The following HSPB6 variants were observed in gnomAD, a reference collection of about 807,000 sequenced individuals.
The protein encoded by HSPB6 is heat shock protein family B (small) member 6.
A neutral mutation model predicts 10.7 loss-of-function variants in HSPB6; 8 were observed. The observed-to-expected ratio is 0.75, with a 90% confidence interval of 0.44 to 1.35. HSPB6 has a LOEUF of 1.35. Ranked by LOEUF, HSPB6 falls within the 40% of genes most tolerant of loss-of-function variation. The pLI is 0.00. For missense variants in HSPB6, 232 were observed against 236.0 expected (o/e 0.98, Z 0.11); for synonymous variants, 128 against 114.2 (o/e 1.12, Z -0.77).
rs1200881971 is a variant in HSPB6 at position 35,756,976 on chromosome 19, C to G, written c.33G>C (p.Trp11Cys). 6.5e-7 allele frequency: 1 copy of G among 1,545,592 alleles called. No individual in the cohort carries two copies. Among genetic ancestry groups the G allele is most frequent in the Non-Finnish European group, 8.7e-7 (1 of 1,146,694 alleles). The change falls in exon 1 of 3, where the codon TGG (tryptophan) becomes TGC (cysteine). Residue 11 changes from tryptophan (W) to cysteine (C), a missense_variant. Trp to Cys is a radical substitution (Grantham distance 215). Transcript: ENST00000004982. Reference sequence around the variant, plus strand: ...GCAACGGGGCCGAGGCGCGGCGCAGCCAAGACGGCTGCACAGGCACAGGGA... The same window carrying G: ...GCAACGGGGCCGAGGCGCGGCGCAGGCAAGACGGCTGCACAGGCACAGGGA... MEIPVPVQPS[W>C]LRRASAPLPG...
chr19:35,754,956 G>T lies in HSPB6; in HGVS notation c.*566C>A, dbSNP rs1490041193. 1 of 295,262 alleles carries T rather than the reference G, an allele frequency of 3.4e-6. No individual in the cohort carries two copies. Among genetic ancestry groups the T allele is most frequent in the African/African-American group, 2.2e-5 (1 of 45,650 alleles). The allele number at this position is 295,262 out of a possible 1,614,324, so 18.3% of individuals were successfully genotyped here. A position where few individuals can be genotyped will look rare whatever the true frequency, so the allele number is the denominator to read the frequency against. Reference sequence around the variant, plus strand: ...TTTCACGGCAGAAAATGGGCTGGAGGGGGCAGTTGTAGACTGTCTGGTTGC... The same window carrying T: ...TTTCACGGCAGAAAATGGGCTGGAGTGGGCAGTTGTAGACTGTCTGGTTGC... On this transcript the variant is annotated 3_prime_UTR_variant, in exon 3 of 3. Coordinates refer to ENST00000004982, the MANE Select transcript of HSPB6 (RefSeq NM_144617.3).
In HSPB6 at chr19:35,754,899, A is replaced by G; in HGVS notation, c.*623T>C. 1.7e-5 allele frequency: 5 copies of G among 298,636 alleles called. No individual in the cohort carries two copies. The highest frequency in any genetic ancestry group is 3.2e-5 in the Non-Finnish European group (5 of 153,868). The allele number at this position is 298,636 out of a possible 1,614,324, so 18.5% of individuals were successfully genotyped here. On this transcript the variant is annotated 3_prime_UTR_variant, in exon 3 of 3. Coordinates refer to ENST00000004982, the MANE Select transcript of HSPB6 (RefSeq NM_144617.3). The stretch of plus-strand genomic sequence containing the variant: ...GTCCAAGAGTTGGGGCAGTCGAAAA[A>G]GGGTTCCAGAGTCTGGTGTGGCTGG...
At chr19:35,755,725 C>T in intron 2 of HSPB6, 42 bp from the exon 3 acceptor site, 1 of 1,526,346 alleles carries the variant, frequency 6.6e-7, no homozygotes, top group Non-Finnish European at 8.8e-7. Context: ...CCCTCCGGCC[C>T]GGCGGCGAGC....
In HSPB6 at chr19:35,755,632, G is replaced by T; in HGVS notation, c.373C>A (p.Pro125Thr). ...REFHRRYRLP[P>T]GVDPAAVTSA... The stretch of plus-strand genomic sequence containing the variant: ...GTCACGGCAGCCGGATCCACGCCAG[G>T]CGGCAGGCGGTAGCGACGGTGGAAC... Residue 125 changes from proline to threonine, a missense_variant, in exon 3 of 3, where the codon CCT becomes ACT. Physicochemically the swap from Pro to Thr is conservative, Grantham distance 38. Transcript: ENST00000004982. The T allele has an allele frequency of 6.5e-7, 1 of 1,533,982 alleles. No individual in the cohort carries two copies. Among genetic ancestry groups the T allele is most frequent in the East Asian group, 2.5e-5 (1 of 40,358 alleles).
At position 35,755,554 on chromosome 19, in the gene HSPB6, C is replaced by G. The variant is rs781282043; in HGVS notation, c.451G>C (p.Ala151Pro). Residue 151 changes from alanine (A) to proline (P), a missense_variant, in exon 3 of 3, where the codon GCC becomes CCC. Ala to Pro is a conservative substitution (Grantham distance 27). Transcript: ENST00000004982. ...VLSIQAAPASAQAPPPAAAK is the reference protein window; with the variant it reads ...VLSIQAAPASPQAPPPAAAK ...GCTGCGGCTGGCGGTGGGGCCTGGG[C>G]CGACGCTGGTGCGGCCTGGATGGAC... 2 of 1,455,810 alleles carry G rather than the reference C, an allele frequency of 1.4e-6. No homozygotes were observed. The highest frequency in any genetic ancestry group is 2.4e-5 in the South Asian group (2 of 82,118). 90.2% of individuals were successfully genotyped at this position (1,455,810 alleles called of 1,614,324 possible). A position where few individuals can be genotyped will look rare whatever the true frequency, so the allele number is the denominator to read the frequency against.
chr19:35,756,482 G>A (rs934809088), intron 1 of HSPB6, among the ~76,000 whole-genome samples: 2 of 151,882 alleles, frequency 1.3e-5, no homozygotes, highest in Admixed American at 6.6e-5. Flanking sequence ...TTCCCCTCAG[G>A]AGTCACTGCC....
Position 35,755,627 on chromosome 19 carries a change from G to A in HSPB6, c.378C>T (p.Gly126=). Residue 126 remains glycine, a synonymous_variant, in exon 3 of 3, where the codon GGC becomes GGT. Transcript: ENST00000004982. ...EFHRRYRLPP[G]VDPAAVTSAL... The stretch of plus-strand genomic sequence containing the variant: ...CGGACGTCACGGCAGCCGGATCCAC[G>A]CCAGGCGGCAGGCGGTAGCGACGGT... 1 of 1,533,482 alleles carries A rather than the reference G, an allele frequency of 6.5e-7. No individual in the cohort carries two copies. Among genetic ancestry groups the A allele is most frequent in the Non-Finnish European group, 8.7e-7 (1 of 1,144,570 alleles). The allele number at this position is 1,533,482 out of a possible 1,614,324, so 95.0% of individuals were successfully genotyped here.
In HSPB6 at chr19:35,754,652, A is replaced by AGG. The variant is rs1970730508; in HGVS notation, c.*869_*870insCC. On this transcript the variant is annotated 3_prime_UTR_variant, in exon 3 of 3. Coordinates refer to ENST00000004982, the MANE Select transcript of HSPB6 (RefSeq NM_144617.3). ...GCAGGGAGAAAGGCTGTGGGGAATC[A>AGG]GAGCGGGTGCTCAGTTGGGTCTTGA... 1 of 656,912 alleles carries AGG rather than the reference A, an allele frequency of 1.5e-6. No individual in the cohort carries two copies. The highest frequency in any genetic ancestry group is 1.8e-5 in the African/African-American group (1 of 55,958). The allele number at this position is 656,912 out of a possible 1,614,324, so 40.7% of individuals were successfully genotyped here.
chr19:35,754,613 C>A lies in HSPB6; in HGVS notation c.*909G>T. 1.3e-6 allele frequency: 1 copy of A among 789,538 alleles called. No individual in the cohort carries two copies. The highest frequency in any genetic ancestry group is 2.1e-6 in the Non-Finnish European group (1 of 473,724). The allele number at this position is 789,538 out of a possible 1,614,324, so 48.9% of individuals were successfully genotyped here. A position where few individuals can be genotyped will look rare whatever the true frequency, so the allele number is the denominator to read the frequency against. On this transcript the variant is annotated 3_prime_UTR_variant, in exon 3 of 3. Coordinates refer to ENST00000004982, the MANE Select transcript of HSPB6 (RefSeq NM_144617.3). ...ATTGGGAGAGTAAGCCTGGGAAAGA[C>A]TAAGGGAGTGGTGGCAGGGAGAAAG...
chr19:35,756,425 C>T (rs891756585), intron 1 of HSPB6, among the ~76,000 whole-genome samples: 2 of 152,222 alleles, frequency 1.3e-5, no homozygotes, highest in Non-Finnish European at 2.9e-5. Context: ...AGATATCGGG[C>T]CACCGCACAC....
chr19:35,756,725 A>C, intron 1 of HSPB6, 86 bp downstream of exon 1: 1 of 1,389,582 alleles, frequency 7.2e-7, no homozygotes, highest in Non-Finnish European at 9.8e-7. Context: ...AGGCCAACGA[A>C]CATTCTCTCA....
chr19:35,755,319 G>A lies in HSPB6; in HGVS notation c.*203C>T. 2 of 697,322 alleles carry A rather than the reference G, an allele frequency of 2.9e-6. No homozygotes were observed. The highest frequency in any genetic ancestry group is 2.6e-6 in the Non-Finnish European group (1 of 389,532). 43.2% of individuals were successfully genotyped at this position (697,322 alleles called of 1,614,324 possible). On this transcript the variant is annotated 3_prime_UTR_variant, in exon 3 of 3. Transcript: ENST00000004982. ...TTGTCGGTGTGGGGTCGGAAAGCTG[G>A]AGGGGGTGTGAGAGCGAGGGTGTCA...
chr19:35,755,771 C>G lies in HSPB6; in HGVS notation c.321+1G>C. On this transcript the variant is annotated splice_donor_variant, in intron 2 of 2. Transcript: ENST00000004982. LOFTEE classifies it high-confidence loss of function. ...CAGCCCCGCCCCACGCCGCGGCTCACCGGGCGCTCCTCGTGGCGCGCGTGC... is the reference window on the plus strand; with the variant it reads ...CAGCCCCGCCCCACGCCGCGGCTCAGCGGGCGCTCCTCGTGGCGCGCGTGC... 1 of 1,580,686 alleles carries G rather than the reference C, an allele frequency of 6.3e-7. No homozygotes were observed. Among genetic ancestry groups the G allele is most frequent in the South Asian group, 1.2e-5 (1 of 86,352 alleles).
At position 35,754,780 on chromosome 19, in the gene HSPB6, T is replaced by C. The variant is rs1321043196; in HGVS notation, c.*742A>G. ...TAGGGGGATGGGGTCTGGTTAGAGT[T>C]GGGGAGGGGGCCTAGGACATCCGTG... On this transcript the variant is annotated 3_prime_UTR_variant, in exon 3 of 3. Transcript: ENST00000004982. 1 of 314,570 alleles carries C rather than the reference T, an allele frequency of 3.2e-6. No homozygotes were observed. Among genetic ancestry groups the C allele is most frequent in the Admixed American group, 5.4e-5 (1 of 18,626 alleles). 19.5% of individuals were successfully genotyped at this position (314,570 alleles called of 1,614,324 possible). A position where few individuals can be genotyped will look rare whatever the true frequency, so the allele number is the denominator to read the frequency against.
chr19:35,755,525 C>CAA lies in HSPB6; in HGVS notation c.479_480insTT (p.Lys160AsnfsTer21). ...GCGGGCGCGGCCCAGCCCCCTCCTA[C>CAA]TTGGCTGCGGCTGGCGGTGGGGCCT... On this transcript the variant is annotated frameshift_variant, in exon 3 of 3. Coordinates refer to ENST00000004982, the MANE Select transcript of HSPB6 (RefSeq NM_144617.3). LOFTEE classifies it high-confidence loss of function. The CAA allele has an allele frequency of 6.7e-7, 1 of 1,491,714 alleles. No homozygotes were observed. Among genetic ancestry groups the CAA allele is most frequent in the Non-Finnish European group, 8.9e-7 (1 of 1,122,432 alleles). 92.4% of individuals were successfully genotyped at this position (1,491,714 alleles called of 1,614,324 possible).
At chr19:35,756,420 T>C (rs75341119) in intron 1 of HSPB6, among the ~76,000 whole-genome samples, 2 of 152,130 alleles carry the variant, frequency 1.3e-5, no homozygotes, top group East Asian at 3.9e-4. Context: ...TCTGGAGATA[T>C]CGGGCCACCG....
intron 1 of HSPB6, 47 bp downstream of exon 1, chr19:35,756,764 C>A: frequency 1.3e-6 from 2 of 1,522,830 alleles, no homozygotes; most frequent in Non-Finnish European, 1.8e-6. Flanking sequence ...TGCCCCAGAC[C>A]CCTGGCAATG....
In HSPB6 at chr19:35,756,864, T is replaced by A; in HGVS notation, c.145A>T (p.Thr49Ser). 6.5e-7 allele frequency: 1 copy of A among 1,537,522 alleles called. No homozygotes were observed. The highest frequency in any genetic ancestry group is 8.7e-7 in the Non-Finnish European group (1 of 1,146,052). Residue 49 changes from threonine to serine, a missense_variant, in exon 1 of 3, where the codon ACG (threonine) becomes TCG (serine). Physicochemically the swap from Thr to Ser is moderately conservative, Grantham distance 58. Coordinates refer to ENST00000004982, the MANE Select transcript of HSPB6 (RefSeq NM_144617.3). ...EAELAALCPT[T>S]LAPYYLRAPS... Reference sequence around the variant, plus strand: ...GCGCGCAGGTAGTAGGGGGCGAGCGTGGTGGGGCAGAGCGCAGCCAGCTCG... The same window carrying A: ...GCGCGCAGGTAGTAGGGGGCGAGCGAGGTGGGGCAGAGCGCAGCCAGCTCG...
Position 35,755,537 on chromosome 19 carries a change from T to A in HSPB6, c.468A>T (p.Pro156=), listed in dbSNP as rs1439988049. Residue 156 remains proline (P), a synonymous_variant, in exon 3 of 3, where the codon CCA becomes CCT. Coordinates refer to ENST00000004982, the MANE Select transcript of HSPB6 (RefSeq NM_144617.3). The part of the protein sequence containing the change: ...AAPASAQAPP[P]AAAK ...CAGCCCCCTCCTACTTGGCTGCGGC[T>A]GGCGGTGGGGCCTGGGCCGACGCTG... 2 of 1,466,368 alleles carry A rather than the reference T, an allele frequency of 1.4e-6. No individual in the cohort carries two copies. Among genetic ancestry groups the A allele is most frequent in the Admixed American group, 4.3e-5 (2 of 46,348 alleles). 90.8% of individuals were successfully genotyped at this position (1,466,368 alleles called of 1,614,324 possible).
Sources: gnomAD v4.1 joint callset for allele counts (sites outside exome capture counted in the v4.1 genomes callset) on GRCh38, gnomAD v4.1.1 for gene constraint, MANE v1.5 for transcripts, NCBI Gene and HGNC (gene_info 2026-07-23, HGNC 2026-07-21) for gene names.